PHLPP2: variants seen among roughly 807,000 people sequenced by gnomAD.
PHLPP2 encodes the protein PH domain and leucine rich repeat protein phosphatase 2, also known as PH domain leucine-rich repeat-containing protein phosphatase 2.
PHLPP2 carries 66 observed loss-of-function variants against 124.9 expected under a neutral mutation model. The observed-to-expected ratio is 0.53, with a 90% CI of 0.43 to 0.65. The LOEUF (loss-of-function observed/expected upper bound fraction) is 0.65, where lower values mean the gene tolerates loss of function less well. Ranked by LOEUF, PHLPP2 falls within the 30% of genes least tolerant of loss-of-function variation. PHLPP2 has a pLI of 0.00. For missense variants in PHLPP2, 1,685 were observed against 1,600.4 expected (o/e 1.05, Z -0.90); for synonymous variants, 681 against 624.7 (o/e 1.09, Z -1.34).
chr16:71,708,278 G>C (rs974453311), intron 2 of PHLPP2, among the ~76,000 whole-genome samples: 1 of 152,188 alleles, frequency 6.6e-6, no homozygotes. Flanking sequence ...AACCACAAGA[G>C]AAGTGAAAAT....
At chr16:71,703,970 C>T (rs1208671703) in intron 2 of PHLPP2, among the ~76,000 whole-genome samples, 1 of 152,050 alleles carries the variant, frequency 6.6e-6, no homozygotes, top group African/African-American at 2.4e-5. Flanking sequence ...CAGGAAAGTC[C>T]GTATGTGTTC....
chr16:71,718,728 A>AAAC (rs1431202897), intron 1 of PHLPP2, among the ~76,000 whole-genome samples: 2 of 152,162 alleles, frequency 1.3e-5, no homozygotes, highest in Admixed American at 6.6e-5. Context: ...ATAAAGATTA[A>AAAC]AACAACAACA....
intron 9 of PHLPP2, among the ~76,000 whole-genome samples, chr16:71,676,230 G>C (rs2044943941): frequency 6.6e-6 from 1 of 152,086 alleles, no homozygotes; most frequent in African/African-American, 2.4e-5. Context: ...CTCTTATTAT[G>C]CTCAATTAGT....
chr16:71,654,614 T>C (rs1050520279), intron 17 of PHLPP2, among the ~76,000 whole-genome samples: 1 of 152,190 alleles, frequency 6.6e-6, no homozygotes, highest in Admixed American at 6.5e-5. Flanking sequence ...TATAAGCTAA[T>C]GGGGTAAGCG....
chr16:71,658,485 A>C, intron 14 of PHLPP2, 122 bp from the exon 15 acceptor site: 1 of 1,195,508 alleles, frequency 8.4e-7, no homozygotes. Context: ...GGAATCCATT[A>C]CATAAATTCT....
intron 2 of PHLPP2, among the ~76,000 whole-genome samples, chr16:71,707,935 C>A (rs1204199304): frequency 6.6e-6 from 1 of 152,176 alleles, no homozygotes; most frequent in Non-Finnish European, 1.5e-5. Flanking sequence ...ATCTGTATTA[C>A]AGCAAGCCAG....
At chr16:71,658,606 C>T (rs752761692) in intron 14 of PHLPP2, 47 bp downstream of exon 14, 17 of 1,560,148 alleles carry the variant, frequency 1.1e-5, no homozygotes, top group Non-Finnish European at 1.5e-5. Context: ...CATTCACTCT[C>T]CTGCCATTTC....
At chr16:71,708,004 T>C (rs909282321) in intron 2 of PHLPP2, among the ~76,000 whole-genome samples, 1 of 152,152 alleles carries the variant, frequency 6.6e-6, no homozygotes, top group African/African-American at 2.4e-5. Flanking sequence ...ACCCCTGTAA[T>C]ACGAGCACTT....
chr16:71,676,405 C>G (rs1567618428), intron 9 of PHLPP2, 42 bp downstream of exon 9: 1 of 1,515,926 alleles, frequency 6.6e-7, no homozygotes. Context: ...GCACTGACAA[C>G]AGCTGAAAGA....
At chr16:71,662,844 G>C (rs2044804016) in intron 13 of PHLPP2, among the ~76,000 whole-genome samples, 1 of 149,760 alleles carries the variant, frequency 6.7e-6, no homozygotes, top group African/African-American at 2.5e-5. Context: ...CCAACGTAAT[G>C]AGATCCCATC....
intron 5 of PHLPP2, among the ~76,000 whole-genome samples, chr16:71,683,988 C>T (rs757264343): frequency 6.6e-6 from 1 of 152,004 alleles, no homozygotes; most frequent in Non-Finnish European, 1.5e-5. Context: ...GACGGGGTTT[C>T]TCCATGTTGG....
chr16:71,686,036 G>A (rs2045051953), intron 4 of PHLPP2, among the ~76,000 whole-genome samples: 1 of 152,206 alleles, frequency 6.6e-6, no homozygotes, highest in Admixed American at 6.5e-5. Context: ...AATCCGGGAG[G>A]TGGAGGCTGC....
intron 9 of PHLPP2, among the ~76,000 whole-genome samples, chr16:71,674,953 G>A (rs780163640): frequency 6.6e-5 from 10 of 152,154 alleles, no homozygotes; most frequent in Non-Finnish European, 1.5e-4. Context: ...GCTGAGACCA[G>A]GCAACTGCAC....
intron 2 of PHLPP2, among the ~76,000 whole-genome samples, chr16:71,705,304 A>G (rs535764140): frequency 3.3e-5 from 5 of 152,272 alleles, no homozygotes; most frequent in Non-Finnish European, 5.9e-5. Context: ...CTATAATTCC[A>G]TATAAGGACC....
chr16:71,674,457 C>A (rs2044925361), intron 9 of PHLPP2, among the ~76,000 whole-genome samples: 1 of 151,078 alleles, frequency 6.6e-6, no homozygotes, highest in Non-Finnish European at 1.5e-5. Flanking sequence ...TGGTTTTCAT[C>A]ACTCTCATGT....
chr16:71,659,247 A>ATTT (rs11357819), intron 13 of PHLPP2, among the ~76,000 whole-genome samples: 1 of 89,864 alleles, frequency 1.1e-5, no homozygotes, highest in Non-Finnish European at 2.2e-5. Context: ...CATCACAAAG[A>ATTT]TTTTTTTTTT....
rs2044653886 is a variant in PHLPP2 at position 71,646,448 on chromosome 16, A to G, written c.*2442T>C. 6.6e-6 allele frequency: 1 copy of G among 152,220 alleles called. No individual in the cohort carries two copies. Among genetic ancestry groups the G allele is most frequent in the Admixed American group, 6.5e-5 (1 of 15,280 alleles). 9.4% of individuals were successfully genotyped at this position (152,220 alleles called of 1,614,324 possible). A position where few individuals can be genotyped will look rare whatever the true frequency, so the allele number is the denominator to read the frequency against. ...TGCTGACTAAAAAATAAATACATTT[A>G]CTTTTGGTAAGGTCATTTCAGAACT... On this transcript the variant is annotated 3_prime_UTR_variant, in exon 19 of 19. Transcript: ENST00000568954.
At chr16:71,656,967 C>T (rs569244102) in intron 15 of PHLPP2, among the ~76,000 whole-genome samples, 41 of 151,076 alleles carry the variant, frequency 2.7e-4, no homozygotes, top group Admixed American at 1.5e-3. Flanking sequence ...TTTTTTGAGA[C>T]GATCTCCCTC....
intron 17 of PHLPP2, chr16:71,654,913 G>T: frequency 4.4e-6 from 1 of 226,686 alleles, no homozygotes; most frequent in Non-Finnish European, 8.7e-6. Context: ...TGACTGCTTG[G>T]ACAATCTTAT....
Sources: gnomAD v4.1 joint callset for allele counts (sites outside exome capture counted in the v4.1 genomes callset) on GRCh38, gnomAD v4.1.1 for gene constraint, MANE v1.5 for transcripts, NCBI Gene and HGNC (gene_info 2026-07-23, HGNC 2026-07-21) for gene names.